The following KAT6B variants were observed in gnomAD, a reference collection of about 807,000 sequenced individuals.
KAT6B encodes the protein lysine acetyltransferase 6B, also known as histone acetyltransferase KAT6B.
KAT6B carries 10 observed loss-of-function variants against 187.5 expected under a neutral mutation model. The observed-to-expected ratio is 0.05, with a 90% CI of 0.03 to 0.09. KAT6B has a LOEUF of 0.09. Ranked by LOEUF, KAT6B falls within the 10% of genes least tolerant of loss-of-function variation. KAT6B has a pLI of 1.00. For synonymous variants in KAT6B, 861 were observed against 926.8 expected, an observed-to-expected ratio of 0.93 and a Z score of 1.29; for missense variants, 1,952 against 2,558.9, an observed-to-expected ratio of 0.76 and a Z score of 5.12.
chr10:74,916,888 G>GCT (rs1393561465), intron 3 of KAT6B, among the ~76,000 whole-genome samples: 1 of 152,188 alleles, frequency 6.6e-6, no homozygotes, highest in Non-Finnish European at 1.5e-5. Context: ...GATGTCTTGA[G>GCT]CTCAGGAGTT....
At chr10:74,941,698 A>G (rs550885223) in intron 3 of KAT6B, among the ~76,000 whole-genome samples, 10 of 152,220 alleles carry the variant, frequency 6.6e-5, no homozygotes, top group Non-Finnish European at 1.3e-4. Context: ...AAACTTAGCT[A>G]CAAAGAAAAC....
In KAT6B at chr10:74,843,489, G is replaced by C; in HGVS notation, c.621+11G>C. ...CATGAGAAAGACCAGGTAAGCGAAG[G>C]AGTAATGTTCGTGCATTCTCACTAC... On this transcript the variant is annotated intron_variant, in intron 3 of 17. Transcript: ENST00000287239. 1 of 1,612,824 alleles carries C rather than the reference G, an allele frequency of 6.2e-7. No individual in the cohort carries two copies. The highest frequency in any genetic ancestry group is 8.5e-7 in the Non-Finnish European group (1 of 1,179,966).
chr10:74,853,418 C>A (rs1336419347), intron 3 of KAT6B, among the ~76,000 whole-genome samples: 1 of 151,696 alleles, frequency 6.6e-6, no homozygotes, highest in Non-Finnish European at 1.5e-5. Flanking sequence ...CTCAGCCCCC[C>A]AAGTAGCTTG....
intron 3 of KAT6B, among the ~76,000 whole-genome samples, chr10:74,879,315 C>A (rs980240701): frequency 3.3e-5 from 5 of 152,082 alleles, no homozygotes; most frequent in Non-Finnish European, 5.9e-5. Flanking sequence ...GCCTGGAAAG[C>A]CCTAGGAAAA....
chr10:74,989,677 T>C (rs1843008038), intron 13 of KAT6B, among the ~76,000 whole-genome samples: 1 of 152,204 alleles, frequency 6.6e-6, no homozygotes, highest in South Asian at 2.1e-4. Flanking sequence ...ATTTATCTTA[T>C]ATGCACTCAT....
chr10:74,965,788 T>G (rs1042828915), intron 4 of KAT6B, among the ~76,000 whole-genome samples: 13 of 151,376 alleles, frequency 8.6e-5, no homozygotes, highest in Admixed American at 3.3e-4. Flanking sequence ...TGCAGTGGCG[T>G]GATCTCGGTT....
chr10:74,960,347 G>T (rs1000227856), intron 4 of KAT6B, among the ~76,000 whole-genome samples: 4 of 152,056 alleles, frequency 2.6e-5, no homozygotes, highest in African/African-American at 9.7e-5. Context: ...TCAGTGTGGA[G>T]ATGTCTGCAT....
At chr10:74,981,084 A>G (rs2133787133) in intron 10 of KAT6B, among the ~76,000 whole-genome samples, 1 of 152,364 alleles carries the variant, frequency 6.6e-6, no homozygotes, top group South Asian at 2.1e-4. Context: ...GTGAATTTTG[A>G]AAAATATGCT....
chr10:74,936,379 GCAGA>G (rs1308702567), intron 3 of KAT6B, among the ~76,000 whole-genome samples: 1 of 150,154 alleles, frequency 6.7e-6, no homozygotes, highest in Non-Finnish European at 1.5e-5. Flanking sequence ...CTCCAGCCTG[GCAGA>G]CAGAGTAAGA....
At chr10:75,028,363 C>T in intron 17 of KAT6B, 126 bp from the exon 18 acceptor site, 1 of 1,397,544 alleles carries the variant, frequency 7.2e-7, no homozygotes, top group Non-Finnish European at 1.0e-6. Flanking sequence ...TCTTTACCAT[C>T]AACTTTTAAC....
intron 17 of KAT6B, chr10:75,025,627 G>A (rs1277748985): frequency 1.3e-5 from 3 of 237,550 alleles, no homozygotes; most frequent in African/African-American, 2.3e-5. Context: ...TTATCAGTGT[G>A]AGCATTGAAT....
At chr10:74,987,654 G>A (rs1367629569) in intron 12 of KAT6B, among the ~76,000 whole-genome samples, 1 of 152,216 alleles carries the variant, frequency 6.6e-6, no homozygotes, top group African/African-American at 2.4e-5. Flanking sequence ...AAACAGAAAG[G>A]AAAGAAGGAT....
At chr10:75,024,501 C>T (rs1845667315) in intron 16 of KAT6B, among the ~76,000 whole-genome samples, 1 of 152,188 alleles carries the variant, frequency 6.6e-6, no homozygotes, top group African/African-American at 2.4e-5. Context: ...TTTCCCAGTG[C>T]TGTCCACATA....
chr10:75,006,268 G>A (rs1402048386), intron 13 of KAT6B, among the ~76,000 whole-genome samples: 2 of 152,126 alleles, frequency 1.3e-5, no homozygotes, highest in Non-Finnish European at 2.9e-5. Flanking sequence ...CTTGTCAAAT[G>A]TTTAAATTCA....
intron 3 of KAT6B, among the ~76,000 whole-genome samples, chr10:74,890,225 TG>T (rs1010780031): frequency 3.9e-5 from 6 of 152,116 alleles, no homozygotes; most frequent in Middle Eastern, 3.4e-3. Flanking sequence ...TTAGTAGAGA[TG>T]GGGTTTCGCC....
chr10:74,909,739 C>G (rs576617037), intron 3 of KAT6B, among the ~76,000 whole-genome samples: 1 of 152,244 alleles, frequency 6.6e-6, no homozygotes, highest in Admixed American at 6.5e-5. Flanking sequence ...ATTTCTTCCC[C>G]CAAGTTCTTT....
intron 3 of KAT6B, among the ~76,000 whole-genome samples, chr10:74,941,801 AG>A (rs1849683365): frequency 6.6e-6 from 1 of 152,208 alleles, no homozygotes; most frequent in East Asian, 1.9e-4. Context: ...ATAGAAGAGG[AG>A]GGAACACATC....
intron 3 of KAT6B, among the ~76,000 whole-genome samples, chr10:74,919,521 C>T (rs553323106): frequency 1.3e-5 from 2 of 152,204 alleles, no homozygotes; most frequent in South Asian, 4.1e-4. Context: ...CCACCTCAGC[C>T]TCCCGAGCAG....
intron 3 of KAT6B, among the ~76,000 whole-genome samples, chr10:74,907,780 T>C (rs1589596468): frequency 6.6e-6 from 1 of 152,234 alleles, no homozygotes. Context: ...TGCATCTGTC[T>C]TGGCCTCCCA....
Sources: allele counts gnomAD v4.1 joint callset (sites outside exome capture counted in the v4.1 genomes callset), GRCh38; gene constraint gnomAD v4.1.1; transcripts MANE v1.5; gene names NCBI Gene and HGNC (gene_info 2026-07-23, HGNC 2026-07-21).